The following SPATA17 variants were observed in gnomAD, a reference collection of about 807,000 sequenced individuals.
SPATA17 encodes the protein spermatogenesis associated 17.
A neutral mutation model predicts 62.2 loss-of-function variants in SPATA17; 53 were observed. The ratio of observed to expected loss-of-function variants is 0.85; its 90% CI spans 0.68 to 1.07. SPATA17 has a LOEUF of 1.07. Ranked by LOEUF, SPATA17 falls within the 50% of genes least tolerant of loss-of-function variation. SPATA17 has a pLI of 0.00. For missense variants in SPATA17, 466 were observed against 425.5 expected (o/e 1.10, Z -0.84); for synonymous variants, 146 against 146.8 (o/e 0.99, Z 0.04).
At chr1:217,696,012 G>A (rs1034285329) in intron 5 of SPATA17, among the ~76,000 whole-genome samples, 2 of 151,504 alleles carry the variant, frequency 1.3e-5, no homozygotes, top group Admixed American at 1.3e-4. Context: ...GAGCTGTGGT[G>A]GGCTCCACCC....
intron 4 of SPATA17, among the ~76,000 whole-genome samples, chr1:217,672,460 C>T (rs1571721302): frequency 6.6e-6 from 1 of 152,190 alleles, no homozygotes; most frequent in Middle Eastern, 3.4e-3. Flanking sequence ...TCTTAATTTT[C>T]CTTATGAACA....
chr1:217,674,414 C>G (rs560928943), intron 4 of SPATA17, among the ~76,000 whole-genome samples: 1 of 152,282 alleles, frequency 6.6e-6, no homozygotes, highest in East Asian at 1.9e-4. Flanking sequence ...GGAGGTGCCT[C>G]ATCTACTCAG....
intron 3 of SPATA17, among the ~76,000 whole-genome samples, chr1:217,651,417 A>G (rs531003078): frequency 1.6e-4 from 25 of 152,286 alleles, no homozygotes; most frequent in Admixed American, 3.9e-4. Flanking sequence ...TGCTTGAAGT[A>G]CTTTTCACAG....
chr1:217,646,877 G>C (rs904102984), intron 1 of SPATA17, among the ~76,000 whole-genome samples: 1 of 152,102 alleles, frequency 6.6e-6, no homozygotes, highest in Non-Finnish European at 1.5e-5. Context: ...CTGGGCAACA[G>C]AGCAAGACTC....
At position 217,868,665 on chromosome 1, in the gene SPATA17, T is replaced by C. The variant is rs1013707030; in HGVS notation, c.*1646T>C. 0.053 allele frequency: 8 copies of C among 152 alleles called. No individual in the cohort carries two copies. Among genetic ancestry groups the C allele is most frequent in the African/African-American group, 0.12 (7 of 56 alleles). The allele number at this position is 152 out of a possible 1,614,324, so 0.0% of individuals were successfully genotyped here. ...AAACCAGAAAGTATCTGAGACAATG[T>C]TTTTTTTTTTTTTTTTTTTTTTTTT... is the stretch of plus-strand genomic sequence containing the variant. On this transcript the variant is annotated 3_prime_UTR_variant, in exon 11 of 11. Coordinates refer to ENST00000366933, the MANE Select transcript of SPATA17 (RefSeq NM_138796.4).
chr1:217,799,164 G>T (rs1334340366), intron 8 of SPATA17, among the ~76,000 whole-genome samples: 1 of 151,902 alleles, frequency 6.6e-6, no homozygotes, highest in Non-Finnish European at 1.5e-5. Context: ...AAATATTTTT[G>T]AGTATACATA....
intron 9 of SPATA17, among the ~76,000 whole-genome samples, chr1:217,857,364 G>GAGCC (rs923880961): frequency 4.6e-5 from 7 of 152,286 alleles, no homozygotes; most frequent in Middle Eastern, 3.4e-3. Flanking sequence ...CCAGCTCAGA[G>GAGCC]AGCCGTTCAC....
chr1:217,774,447 C>T lies in SPATA17; in HGVS notation c.633C>T (p.Ser211=), dbSNP rs1253802105. Residue 211 remains serine, a synonymous_variant, in exon 7 of 11, where the codon TCC becomes TCT. Coordinates refer to ENST00000366933, the MANE Select transcript of SPATA17 (RefSeq NM_138796.4). ...HRRPKVKQKD[S]TSLTDWLACT... The stretch of plus-strand genomic sequence containing the variant: ...GACCTAAAGTTAAGCAGAAGGACTC[C>T]ACCAGCCTTACTGATTGGCTAGCTT... The T allele has an allele frequency of 6.2e-7, 1 of 1,614,100 alleles. No individual in the cohort carries two copies. Among genetic ancestry groups the T allele is most frequent in the Non-Finnish European group, 8.5e-7 (1 of 1,180,014 alleles).
At chr1:217,681,521 A>C (rs894891244) in intron 4 of SPATA17, among the ~76,000 whole-genome samples, 3 of 151,788 alleles carry the variant, frequency 2.0e-5, no homozygotes, top group Non-Finnish European at 4.4e-5. Flanking sequence ...CTACAGGCGC[A>C]CACCACCATG....
At chr1:217,780,569 G>T (rs1006294664) in intron 7 of SPATA17, among the ~76,000 whole-genome samples, 12 of 152,208 alleles carry the variant, frequency 7.9e-5, no homozygotes, top group African/African-American at 2.6e-4. Flanking sequence ...TATCAACAAA[G>T]GTTAGAAGGC....
chr1:217,718,674 A>G (rs1417019919), intron 5 of SPATA17, among the ~76,000 whole-genome samples: 1 of 152,146 alleles, frequency 6.6e-6, no homozygotes. Flanking sequence ...ACAAGACACC[A>G]TGAGTGAGAA....
At chr1:217,634,320 G>C in intron 1 of SPATA17, among the ~76,000 whole-genome samples, 1 of 152,298 alleles carries the variant, frequency 6.6e-6, no homozygotes, top group Non-Finnish European at 1.5e-5. Flanking sequence ...GGGGATCAGA[G>C]TTTTTAAGTA....
intron 4 of SPATA17, 130 bp downstream of exon 4, chr1:217,669,213 T>C: frequency 1.3e-6 from 1 of 758,388 alleles, no homozygotes; most frequent in Non-Finnish European, 2.1e-6. Flanking sequence ...AAAGAGTATG[T>C]AGTTAAAAAG....
intron 8 of SPATA17, among the ~76,000 whole-genome samples, chr1:217,793,630 T>A (rs1300732837): frequency 6.6e-6 from 1 of 152,176 alleles, no homozygotes; most frequent in Non-Finnish European, 1.5e-5. Context: ...GGCATATATA[T>A]TTGCAAAATA....
intron 6 of SPATA17, among the ~76,000 whole-genome samples, chr1:217,745,912 T>G (rs1373414447): frequency 6.6e-6 from 1 of 152,072 alleles, no homozygotes; most frequent in Non-Finnish European, 1.5e-5. Flanking sequence ...ATAACCTTCC[T>G]TCCTGAACCT....
At chr1:217,825,069 C>T (rs1230708819) in intron 9 of SPATA17, among the ~76,000 whole-genome samples, 5 of 149,530 alleles carry the variant, frequency 3.3e-5, no homozygotes, top group African/African-American at 9.8e-5. Flanking sequence ...TATATGAATA[C>T]ATATATTCAT....
At chr1:217,653,729 CAGTGAAG>C (rs1428243730) in intron 3 of SPATA17, among the ~76,000 whole-genome samples, 1 of 151,914 alleles carries the variant, frequency 6.6e-6, no homozygotes, top group Non-Finnish European at 1.5e-5. Flanking sequence ...TATTCTTAAA[CAGTGAAG>C]AGGAGATTTG....
chr1:217,663,924 A>G (rs1670626274), intron 3 of SPATA17, among the ~76,000 whole-genome samples: 1 of 152,152 alleles, frequency 6.6e-6, no homozygotes, highest in Non-Finnish European at 1.5e-5. Flanking sequence ...CCATGCAGTT[A>G]TTGTATATTG....
intron 5 of SPATA17, among the ~76,000 whole-genome samples, chr1:217,718,774 T>G (rs966192015): frequency 3.3e-5 from 5 of 152,192 alleles, no homozygotes; most frequent in Non-Finnish European, 1.5e-5. Context: ...TAGAAAATTT[T>G]AACAATTAGT....
Sources: gnomAD v4.1 joint callset for allele counts (sites outside exome capture counted in the v4.1 genomes callset) on GRCh38, gnomAD v4.1.1 for gene constraint, MANE v1.5 for transcripts, NCBI Gene and HGNC (gene_info 2026-07-23, HGNC 2026-07-21) for gene names.